Variants in CAMTA1 observed in about 807,000 individuals in gnomAD.
CAMTA1 encodes the protein calmodulin binding transcription activator 1.
In CAMTA1, 27 loss-of-function variants were observed where a neutral mutation model predicts 170.9. The ratio of observed to expected loss-of-function variants is 0.16; its 90% CI spans 0.12 to 0.22. The LOEUF (loss-of-function observed/expected upper bound fraction) is 0.22, where lower values mean the gene tolerates loss of function less well. CAMTA1 is among the 10% of genes least tolerant of loss of function. CAMTA1 has a pLI of 1.00. For synonymous variants in CAMTA1, 833 were observed against 891.5 expected (o/e 0.93, Z 1.17); for missense variants, 1,619 against 2,217.2 (o/e 0.73, Z 5.42).
At chr1:7,508,142 C>G (rs1477289432) in intron 6 of CAMTA1, among the ~76,000 whole-genome samples, 1 of 152,216 alleles carries the variant, frequency 6.6e-6, no homozygotes, top group Admixed American at 6.5e-5. Context: ...AGATGGGGAA[C>G]CTGGAGCCCA....
chr1:6,862,603 A>C (rs1665168760), intron 3 of CAMTA1, among the ~76,000 whole-genome samples: 2 of 152,320 alleles, frequency 1.3e-5, no homozygotes, highest in Non-Finnish European at 2.9e-5. Flanking sequence ...ATCACTATTA[A>C]GTAGAAGGAA....
intron 5 of CAMTA1, among the ~76,000 whole-genome samples, chr1:7,284,040 C>T (rs1671891353): frequency 6.6e-6 from 1 of 152,194 alleles, no homozygotes; most frequent in Non-Finnish European, 1.5e-5. Flanking sequence ...CCCGTTTTCT[C>T]ATCTATGAGG....
At chr1:7,341,616 T>C (rs2083839134) in intron 5 of CAMTA1, among the ~76,000 whole-genome samples, 1 of 152,178 alleles carries the variant, frequency 6.6e-6, no homozygotes, top group Admixed American at 6.5e-5. Flanking sequence ...TGCCCAGCCA[T>C]GGGGTGGTGG....
chr1:7,234,905 G>C lies in CAMTA1; in HGVS notation c.303-14586G>C, dbSNP rs1663534105. ...AGGTTCAAGCGATTCTTGCACCTCA[G>C]CCTCATGAGTAGCTGGGATTAAAAG... On this transcript the variant is annotated intron_variant, in intron 4 of 22. Transcript: ENST00000303635. The surrounding 1 kb of genome is among the most constrained non-coding windows in gnomAD (Gnocchi z 5.0). Among the ~76,000 whole-genome samples the C allele has an allele frequency of 6.6e-6, 1 of 150,940 alleles. No homozygotes were observed. Among genetic ancestry groups the C allele is most frequent in the Non-Finnish European group, 1.5e-5 (1 of 67,900 alleles).
chr1:7,341,116 G>A (rs1239852152), intron 5 of CAMTA1, among the ~76,000 whole-genome samples: 23 of 152,188 alleles, frequency 1.5e-4, no homozygotes, highest in Non-Finnish European at 3.4e-4. Flanking sequence ...GGGTCTCCGA[G>A]GTGGAACATT....
chr1:7,111,906 A>ACC (rs1219080609), intron 4 of CAMTA1, among the ~76,000 whole-genome samples: 1 of 139,422 alleles, frequency 7.2e-6, no homozygotes, highest in Non-Finnish European at 1.6e-5. Context: ...AAAAAAAAAA[A>ACC]AAAAAACCGA....
intron 3 of CAMTA1, among the ~76,000 whole-genome samples, chr1:7,048,931 C>T (rs1705848623): frequency 6.6e-6 from 1 of 152,332 alleles, no homozygotes; most frequent in Non-Finnish European, 1.5e-5. Context: ...TGCAAATCTC[C>T]TCCAGCTTTA....
chr1:7,757,952 C>T (rs898889322), intron 22 of CAMTA1, among the ~76,000 whole-genome samples: 1 of 152,014 alleles, frequency 6.6e-6, no homozygotes, highest in South Asian at 2.1e-4. Context: ...AGAGCTGGCT[C>T]GGAGACGTTT....
At chr1:7,271,300 C>T (rs1041910990) in intron 5 of CAMTA1, among the ~76,000 whole-genome samples, 1 of 152,126 alleles carries the variant, frequency 6.6e-6, no homozygotes, top group Non-Finnish European at 1.5e-5. Flanking sequence ...AGAAAACTCT[C>T]ATCAGAAACA....
At chr1:7,613,326 G>GTGT (rs2095536326) in intron 6 of CAMTA1, among the ~76,000 whole-genome samples, 1 of 152,212 alleles carries the variant, frequency 6.6e-6, no homozygotes, top group Admixed American at 6.5e-5. Context: ...CCAGCACTGT[G>GTGT]CTGAGTGAGA....
Position 7,138,133 on chromosome 1 carries a change from G to A in CAMTA1, c.302+46762G>A, listed in dbSNP as rs538860639. On this transcript the variant is annotated intron_variant, in intron 4 of 22. Transcript: ENST00000303635. The stretch of plus-strand genomic sequence containing the variant: ...CCCAAGTAGCTGGGACCACTGGTGC[G>A]CACCACCACGCCCAGCTAATTTTTA... Among the ~76,000 whole-genome samples, 6 of 152,192 alleles carry A rather than the reference G, an allele frequency of 3.9e-5. No homozygotes were observed. The East Asian group carries it at 1.2e-3, about 29-fold the overall frequency.
intron 6 of CAMTA1, among the ~76,000 whole-genome samples, chr1:7,587,593 GTTAC>G (rs2095322028): frequency 6.6e-6 from 1 of 152,108 alleles, no homozygotes; most frequent in African/African-American, 2.4e-5. Context: ...CAGGCCTAAT[GTTAC>G]TTACTCGTCT....
chr1:7,076,988 T>C (rs765068303), intron 3 of CAMTA1, among the ~76,000 whole-genome samples: 6 of 152,244 alleles, frequency 3.9e-5, no homozygotes, highest in Non-Finnish European at 8.8e-5. Context: ...TCTGAACTTG[T>C]CTTATGAAGG....
At chr1:7,577,413 C>T (rs563921225) in intron 6 of CAMTA1, among the ~76,000 whole-genome samples, 30 of 152,166 alleles carry the variant, frequency 2.0e-4, no homozygotes, top group Non-Finnish European at 3.1e-4. Flanking sequence ...TCCTTCTCAC[C>T]GTCACAGACC....
intron 3 of CAMTA1, among the ~76,000 whole-genome samples, chr1:7,076,936 G>C (rs979679294): frequency 6.6e-6 from 1 of 152,220 alleles, no homozygotes. Flanking sequence ...TGTCATGTGG[G>C]ATTCATGATC....
chr1:6,909,045 C>T (rs1377828644), intron 3 of CAMTA1, among the ~76,000 whole-genome samples: 1 of 152,176 alleles, frequency 6.6e-6, no homozygotes, highest in African/African-American at 2.4e-5. Context: ...ATATCATAAT[C>T]CTTTTAAAAA....
intron 22 of CAMTA1, among the ~76,000 whole-genome samples, chr1:7,759,275 A>G (rs1184907619): frequency 6.6e-6 from 1 of 152,244 alleles, no homozygotes; most frequent in African/African-American, 2.4e-5. Flanking sequence ...GGGGAGATCT[A>G]AAAAGGCAGA....
chr1:6,888,404 T>C (rs1673780284), intron 3 of CAMTA1, among the ~76,000 whole-genome samples: 1 of 152,224 alleles, frequency 6.6e-6, no homozygotes, highest in Admixed American at 6.5e-5. Context: ...ATTACAGACT[T>C]ACTATATGTG....
intron 5 of CAMTA1, among the ~76,000 whole-genome samples, chr1:7,265,976 A>C (rs1010718076): frequency 6.6e-6 from 1 of 152,268 alleles, no homozygotes; most frequent in Admixed American, 6.5e-5. Context: ...TGGGAGAACA[A>C]CATAGTGTAA....
Sources: allele counts gnomAD v4.1 joint callset (sites outside exome capture counted in the v4.1 genomes callset), GRCh38; gene constraint gnomAD v4.1.1; non-coding constraint Gnocchi (gnomAD v3.1); transcripts MANE v1.5; gene names NCBI Gene and HGNC (gene_info 2026-07-23, HGNC 2026-07-21).